The following SCIN variants were observed in gnomAD, a reference collection of about 807,000 sequenced individuals.
SCIN encodes the protein scinderin.
A neutral mutation model predicts 91.8 loss-of-function variants in SCIN; 91 were observed. The ratio of observed to expected loss-of-function variants is 0.99; its 90% CI spans 0.84 to 1.18. The LOEUF is 1.18. Among genes scored for constraint, SCIN ranks in the 50% most tolerant of loss-of-function variants. The pLI is 0.00. For missense variants in SCIN, 1,087 were observed against 863.9 expected, an observed-to-expected ratio of 1.26 and a Z score of -3.24; for synonymous variants, 367 against 312.6, an observed-to-expected ratio of 1.17 and a Z score of -1.84.
chr7:12,636,160 C>T (rs747079964), intron 10 of SCIN, 25 bp downstream of exon 10: 14 of 1,563,162 alleles, frequency 9.0e-6, no homozygotes, highest in African/African-American at 2.7e-5. Context: ...ACCCCCAAAA[C>T]TCACACAAGT....
At chr7:12,592,518 C>T (rs1323000977) in intron 3 of SCIN, among the ~76,000 whole-genome samples, 3 of 151,554 alleles carry the variant, frequency 2.0e-5, no homozygotes, top group East Asian at 1.9e-4. Context: ...TGAGCAGCTA[C>T]GGAAGGGTTA....
chr7:12,596,898 A>G (rs1050507768), intron 3 of SCIN, among the ~76,000 whole-genome samples: 2 of 152,130 alleles, frequency 1.3e-5, no homozygotes, highest in Non-Finnish European at 2.9e-5. Flanking sequence ...GACCAATCCT[A>G]TAGGCTTAGA....
rs1009241001 is a variant in SCIN, at chr7:12,622,787, T to G, written c.667-14T>G. 1.3e-6 allele frequency: 2 copies of G among 1,594,000 alleles called. No individual in the cohort carries two copies. The highest frequency in any genetic ancestry group is 1.7e-6 in the Non-Finnish European group (2 of 1,162,452). ...AGATCTTTATCTTTGCATCCACTGC[T>G]CACTTTTTTCCAGGTCTTAGGGGAA... On this transcript the variant is annotated splice_polypyrimidine_tract_variant and intron_variant, in intron 4 of 15. Transcript: ENST00000297029.
At chr7:12,582,764 A>T (rs1583276291) in intron 3 of SCIN, among the ~76,000 whole-genome samples, 1 of 152,022 alleles carries the variant, frequency 6.6e-6, no homozygotes, top group Non-Finnish European at 1.5e-5. Flanking sequence ...CACCCCCTAC[A>T]CTATAAATAA....
intron 3 of SCIN, among the ~76,000 whole-genome samples, chr7:12,595,242 A>G (rs1782816082): frequency 6.6e-6 from 1 of 152,178 alleles, no homozygotes; most frequent in South Asian, 2.1e-4. Context: ...TATATGGGGC[A>G]GAGAGACCCT....
intron 13 of SCIN, among the ~76,000 whole-genome samples, chr7:12,649,103 T>C (rs1441359500): frequency 6.6e-6 from 1 of 152,138 alleles, no homozygotes; most frequent in East Asian, 1.9e-4. Context: ...TCTTTGGTCT[T>C]CCTAATTATT....
rs1784192334 is a variant in SCIN at position 12,657,572 on chromosome 7, A to ATTTATATATTTTTTTTT, written c.*4860_*4861insATATATTTTTTTTTTTT. 4.5e-5 allele frequency: 1 copy of ATTTATATATTTTTTTTT among 22,080 alleles called. No homozygotes were observed. Among genetic ancestry groups the ATTTATATATTTTTTTTT allele is most frequent in the Non-Finnish European group, 1.3e-4 (1 of 7,720 alleles). The allele number at this position is 22,080 out of a possible 1,614,324, so 1.4% of individuals were successfully genotyped here. A position where few individuals can be genotyped will look rare whatever the true frequency, so the allele number is the denominator to read the frequency against. On this transcript the variant is annotated 3_prime_UTR_variant, in exon 16 of 16. Coordinates refer to ENST00000297029, the MANE Select transcript of SCIN (RefSeq NM_001112706.3). ...TATATATATATATATATATATATAT[A>ATTTATATATTTTTTTTT]TTTTTTTTTTTTTTTTTTTTTTTTT...
At position 12,652,760 on chromosome 7, in the gene SCIN, T is replaced by G. The variant is rs1784108473; in HGVS notation, c.*45T>G. 3 of 1,573,044 alleles carry G rather than the reference T, an allele frequency of 1.9e-6. No individual in the cohort carries two copies. Among genetic ancestry groups the G allele is most frequent in the Non-Finnish European group, 2.6e-6 (3 of 1,167,682 alleles). ...AAACAAACATTACAAGGCAGTTATC[T>G]CATTGCTGTTTTGGGAGAGGAACGG... On this transcript the variant is annotated 3_prime_UTR_variant, in exon 16 of 16. Coordinates refer to ENST00000297029, the MANE Select transcript of SCIN (RefSeq NM_001112706.3).
At chr7:12,640,685 A>G (rs946628462) in intron 11 of SCIN, among the ~76,000 whole-genome samples, 168 bp downstream of exon 11, 20 of 152,252 alleles carry the variant, frequency 1.3e-4, no homozygotes, top group African/African-American at 4.6e-4. Context: ...GAGTTGAGTA[A>G]AAAGTAAAAC....
chr7:12,588,879 G>C (rs1025489034), intron 3 of SCIN: 3 of 139,876 alleles, frequency 2.1e-5, no homozygotes, highest in Non-Finnish European at 3.0e-5. Flanking sequence ...TAACATTCCA[G>C]CCTTTTAATA....
intron 6 of SCIN, 58 bp downstream of exon 6, chr7:12,625,200 G>A (rs1411475627): frequency 2.2e-6 from 3 of 1,365,304 alleles, no homozygotes; most frequent in African/African-American, 1.5e-5. Context: ...CCTCTATAAG[G>A]GTAAATAAAA....
intron 13 of SCIN, among the ~76,000 whole-genome samples, chr7:12,646,864 A>G (rs1783975739): frequency 6.6e-6 from 1 of 152,168 alleles, no homozygotes; most frequent in African/African-American, 2.4e-5. Context: ...AAGGTTATAA[A>G]TGATTTGACC....
At chr7:12,647,903 C>G (rs142348063) in intron 13 of SCIN, among the ~76,000 whole-genome samples, 1 of 152,270 alleles carries the variant, frequency 6.6e-6, no homozygotes, top group African/African-American at 2.4e-5. Flanking sequence ...GTCAAGGACA[C>G]AAAAAGGCCC....
intron 3 of SCIN, among the ~76,000 whole-genome samples, chr7:12,592,945 G>A (rs916781927): frequency 6.6e-6 from 1 of 152,156 alleles, no homozygotes. Flanking sequence ...CGGGGCCCAG[G>A]GGCCCTGGCC....
intron 9 of SCIN, among the ~76,000 whole-genome samples, chr7:12,630,469 C>A (rs1783618783): frequency 6.6e-6 from 1 of 152,204 alleles, no homozygotes; most frequent in South Asian, 2.1e-4. Flanking sequence ...GTCACCCACA[C>A]CAAATAAATC....
intron 14 of SCIN, among the ~76,000 whole-genome samples, chr7:12,650,159 G>T (rs1784052651): frequency 6.6e-6 from 1 of 152,058 alleles, no homozygotes; most frequent in African/African-American, 2.4e-5. Context: ...TCTGAATTAG[G>T]CCTAGTCGTA....
intron 4 of SCIN, among the ~76,000 whole-genome samples, chr7:12,621,637 G>GTTTTTTTTTTTTTTTTTTTT (rs60697843): frequency 5.4e-4 from 57 of 106,360 alleles, no homozygotes; most frequent in Non-Finnish European, 8.3e-4. Context: ...AAGTGTTTTA[G>GTTTTTTTTTTTTTTTTTTTT]TTTTTTTTTT....
chr7:12,610,805 G>A (rs849787), intron 4 of SCIN, among the ~76,000 whole-genome samples: 143,776 of 152,300 alleles, frequency 0.94, 67,935 homozygotes, highest in East Asian at 1. Context: ...ACAACAAACA[G>A]GTCTTGAGCT....
At position 12,640,444 on chromosome 7, in the gene SCIN, G is replaced by C; in HGVS notation, c.1508G>C (p.Gly503Ala). The C allele has an allele frequency of 6.2e-7, 1 of 1,613,366 alleles. No individual in the cohort carries two copies. The highest frequency in any genetic ancestry group is 8.5e-7 in the Non-Finnish European group (1 of 1,179,652). ...AAGAATGGAACATCAAAGAAAGGAG[G>C]TCAGGCACCTGCTCCCCCTACACGC... Reference protein sequence around the residue: ...IYKNGTSKKGGQAPAPPTRLF... With the variant: ...IYKNGTSKKGAQAPAPPTRLF... Residue 503 changes from glycine (G) to alanine (A), a missense_variant, in exon 11 of 16, where the codon GGT (glycine) becomes GCT (alanine). Physicochemically the swap from Gly to Ala is moderately conservative, Grantham distance 60. Transcript: ENST00000297029.
Sources: allele counts gnomAD v4.1 joint callset (sites outside exome capture counted in the v4.1 genomes callset), GRCh38; gene constraint gnomAD v4.1.1; transcripts MANE v1.5; gene names NCBI Gene and HGNC (gene_info 2026-07-23, HGNC 2026-07-21).